FSHR: variants seen among roughly 807,000 people sequenced by gnomAD.
FSHR encodes follicle-stimulating hormone receptor.
Under a neutral mutation model 52.1 loss-of-function variants are expected in FSHR, and 46 were observed. The ratio of observed to expected loss-of-function variants is 0.88; its 90% CI spans 0.70 to 1.13. The LOEUF (loss-of-function observed/expected upper bound fraction) is 1.13. Among genes scored for constraint, FSHR ranks in the 50% most tolerant of loss-of-function variants. The pLI is 0.00. For missense variants in FSHR, 964 were observed against 834.6 expected, an observed-to-expected ratio of 1.16 and a Z score of -1.91; for synonymous variants, 399 against 309.6, an observed-to-expected ratio of 1.29 and a Z score of -3.03.
At chr2:49,120,533 T>G (rs781515027) in intron 1 of FSHR, among the ~76,000 whole-genome samples, 2 of 152,210 alleles carry the variant, frequency 1.3e-5, no homozygotes, top group Non-Finnish European at 2.9e-5. Context: ...TATAATATTA[T>G]GTCCTTGAAA....
At chr2:49,123,666 T>C (rs1671896737) in intron 1 of FSHR, among the ~76,000 whole-genome samples, 1 of 152,134 alleles carries the variant, frequency 6.6e-6, no homozygotes, top group Admixed American at 6.5e-5. Flanking sequence ...AATACAACTT[T>C]AAAATAAAAG....
At chr2:48,964,009 A>G (rs1347926958) in intron 9 of FSHR, 43 bp from the exon 10 acceptor site, 3 of 1,576,748 alleles carry the variant, frequency 1.9e-6, no homozygotes. Context: ...TCTCAGATCC[A>G]GTATAGCAAA....
intron 2 of FSHR, among the ~76,000 whole-genome samples, chr2:49,034,448 G>A (rs577031835): frequency 3.3e-5 from 5 of 152,204 alleles, no homozygotes; most frequent in Non-Finnish European, 7.3e-5. Context: ...GTATATGCAG[G>A]TGTCAATAGC....
At chr2:49,141,532 A>G (rs1376053122) in intron 1 of FSHR, among the ~76,000 whole-genome samples, 1 of 152,118 alleles carries the variant, frequency 6.6e-6, no homozygotes. Flanking sequence ...GCACCAAGCC[A>G]TGAAGGATCC....
chr2:48,973,366 C>G (rs1297628364), intron 8 of FSHR, among the ~76,000 whole-genome samples: 1 of 144,548 alleles, frequency 6.9e-6, no homozygotes, highest in African/African-American at 2.9e-5. Context: ...AAGTGGACCC[C>G]CCGCCCCGCA....
chr2:49,140,946 T>C (rs1672663054), intron 1 of FSHR, among the ~76,000 whole-genome samples: 1 of 152,182 alleles, frequency 6.6e-6, no homozygotes, highest in African/African-American at 2.4e-5. Flanking sequence ...AGCCTCTACA[T>C]CTGCAGAAGA....
chr2:48,997,170 T>G, intron 4 of FSHR: 1 of 954,660 alleles, frequency 1.0e-6, no homozygotes, highest in Non-Finnish European at 1.2e-6. Context: ...CACCAAACAG[T>G]TCACTTACCT....
intron 1 of FSHR, among the ~76,000 whole-genome samples, chr2:49,135,610 G>C (rs1392455943): frequency 6.6e-6 from 1 of 152,082 alleles, no homozygotes; most frequent in Non-Finnish European, 1.5e-5. Flanking sequence ...AGTAAAGATT[G>C]TAGTTGACCC....
intron 1 of FSHR, among the ~76,000 whole-genome samples, chr2:49,131,646 G>T (rs1354970541): frequency 1.3e-5 from 2 of 152,088 alleles, no homozygotes; most frequent in Non-Finnish European, 2.9e-5. Flanking sequence ...TGAATGTAAA[G>T]ATCTGACATG....
intron 2 of FSHR, among the ~76,000 whole-genome samples, chr2:49,028,166 C>T (rs1667975525): frequency 6.6e-6 from 1 of 152,104 alleles, no homozygotes; most frequent in Non-Finnish European, 1.5e-5. Context: ...GTAAAGTGGC[C>T]ATAGGTTTGA....
At chr2:49,115,025 C>A (rs1411701907) in intron 1 of FSHR, among the ~76,000 whole-genome samples, 3 of 151,140 alleles carry the variant, frequency 2.0e-5, no homozygotes, top group African/African-American at 7.3e-5. Context: ...GCCCTTAGAA[C>A]ATGATCCAAT....
At chr2:48,977,024 C>A (rs1214710221) in intron 8 of FSHR, among the ~76,000 whole-genome samples, 1 of 151,972 alleles carries the variant, frequency 6.6e-6, no homozygotes, top group Admixed American at 6.6e-5. Context: ...ATGGGTGCAG[C>A]AAACCACCAT....
intron 1 of FSHR, among the ~76,000 whole-genome samples, chr2:49,073,742 G>A (rs1356252684): frequency 6.6e-6 from 1 of 151,890 alleles, no homozygotes; most frequent in Non-Finnish European, 1.5e-5. Context: ...AGCATTCTAA[G>A]CAAAAAGAAC....
At chr2:49,057,271 T>C (rs182463937) in intron 2 of FSHR, among the ~76,000 whole-genome samples, 1 of 151,956 alleles carries the variant, frequency 6.6e-6, no homozygotes, top group Non-Finnish European at 1.5e-5. Context: ...AACCATTAGC[T>C]AGACTAAGAA....
chr2:48,979,204 G>T (rs183281778), intron 8 of FSHR, among the ~76,000 whole-genome samples: 1 of 152,172 alleles, frequency 6.6e-6, no homozygotes, highest in East Asian at 1.9e-4. Flanking sequence ...CAGTGCTTTG[G>T]GAGTCCAAGG....
chr2:49,094,255 C>T (rs1670733297), intron 1 of FSHR, among the ~76,000 whole-genome samples: 1 of 152,140 alleles, frequency 6.6e-6, no homozygotes, highest in Admixed American at 6.5e-5. Context: ...TTAAGCTCCT[C>T]CCTCCATGTT....
At chr2:49,017,809 G>A (rs1256302903) in intron 3 of FSHR, among the ~76,000 whole-genome samples, 1 of 151,620 alleles carries the variant, frequency 6.6e-6, no homozygotes. Flanking sequence ...TCATTACCTG[G>A]GCCCTGTCCG....
At chr2:49,053,813 T>A (rs1358637116) in intron 2 of FSHR, among the ~76,000 whole-genome samples, 2 of 152,186 alleles carry the variant, frequency 1.3e-5, no homozygotes, top group Non-Finnish European at 2.9e-5. Context: ...TCCCAATCAT[T>A]TTAACAAGAG....
chr2:49,012,003 T>C (rs186701095), intron 4 of FSHR, among the ~76,000 whole-genome samples: 77 of 152,234 alleles, frequency 5.1e-4, no homozygotes, highest in African/African-American at 1.8e-3. Context: ...CCTGGAATTG[T>C]TCCCACCTGA....
Sources: gnomAD v4.1 joint callset for allele counts (sites outside exome capture counted in the v4.1 genomes callset) on GRCh38, gnomAD v4.1.1 for gene constraint, MANE v1.5 for transcripts, NCBI Gene and HGNC (gene_info 2026-07-23, HGNC 2026-07-21) for gene names.